FHL3: variants seen among roughly 807,000 people sequenced by gnomAD.
FHL3 encodes four and a half LIM domains 3.
In FHL3, 21 loss-of-function variants were observed where a neutral mutation model predicts 34.3. That is an observed-to-expected ratio of 0.61 (90% confidence interval 0.43 to 0.88). The LOEUF (loss-of-function observed/expected upper bound fraction) is 0.88. Among genes scored for constraint, FHL3 ranks in the 40% least tolerant of loss-of-function variants. The probability of loss-of-function intolerance (pLI) is 0.00; values close to 1 mark genes in which losing one functional copy is unlikely to be tolerated. For synonymous variants in FHL3, 137 were observed against 144.6 expected (o/e 0.95, Z 0.38); for missense variants, 333 against 373.7 (o/e 0.89, Z 0.90).
In FHL3 at chr1:37,997,863, G is replaced by T. The variant is rs1369871860; in HGVS notation, c.509C>A (p.Thr170Lys). ...PRCARCSKTL[T>K]QGGVTYRDQP... Reference sequence around the variant, plus strand: ...ATCACGGTATGTCACTCCACCCTGTGTCAGCGTCTGTGGGGGCAGCATCCA... The same window carrying T: ...ATCACGGTATGTCACTCCACCCTGTTTCAGCGTCTGTGGGGGCAGCATCCA... The change falls in exon 5 of 6, where the codon ACA (threonine) becomes AAA (lysine). Residue 170 changes from threonine (T) to lysine (K), a missense_variant. Coordinates refer to ENST00000373016, the MANE Select transcript of FHL3 (RefSeq NM_004468.5). The surrounding 1 kb of genome is among the most constrained non-coding windows in gnomAD (Gnocchi z 4.3). 6.2e-7 allele frequency: 1 copy of T among 1,613,742 alleles called. No homozygotes were observed. Among genetic ancestry groups the T allele is most frequent in the Non-Finnish European group, 8.5e-7 (1 of 1,179,698 alleles).
chr1:38,001,426 A>G (rs936303617), intron 1 of FHL3, among the ~76,000 whole-genome samples: 1 of 152,106 alleles, frequency 6.6e-6, no homozygotes, highest in African/African-American at 2.4e-5. Context: ...ACTTGGGTCC[A>G]CCCCCTGAGA....
At chr1:37,999,528 C>G (rs1646572153) in intron 1 of FHL3, 96 bp from the exon 2 acceptor site, 1 of 1,202,282 alleles carries the variant, frequency 8.3e-7, no homozygotes, top group Non-Finnish European at 1.2e-6. Context: ...AGCCAAGAGA[C>G]CCGGCATAGG....
intron 1 of FHL3, among the ~76,000 whole-genome samples, chr1:38,003,379 C>T (rs971002936): frequency 6.6e-6 from 1 of 152,174 alleles, no homozygotes; most frequent in Admixed American, 6.5e-5. Flanking sequence ...GCTGGGGTTA[C>T]AGGCGTGAGC....
intron 1 of FHL3, among the ~76,000 whole-genome samples, chr1:38,001,592 C>T (rs1310163765): frequency 6.6e-6 from 1 of 152,232 alleles, no homozygotes; most frequent in Non-Finnish European, 1.5e-5. Flanking sequence ...TCTGCCCATA[C>T]CCCTCTCCCT....
intron 1 of FHL3, 98 bp from the exon 2 acceptor site, chr1:37,999,530 C>G: frequency 4.2e-6 from 5 of 1,181,922 alleles, no homozygotes; most frequent in Non-Finnish European, 6.0e-6. Context: ...CCAAGAGACC[C>G]GGCATAGGAA....
At chr1:38,001,025 G>A (rs11211085) in intron 1 of FHL3, among the ~76,000 whole-genome samples, 39,567 of 152,148 alleles carry the variant, frequency 0.26, 5,320 homozygotes, top group Non-Finnish European at 0.29. Flanking sequence ...GACAACAAGC[G>A]CTGCTCTGGC....
Position 37,996,824 on chromosome 1 carries a change from C to T in FHL3, c.*581G>A, listed in dbSNP as rs1646537683. ...GAAGGGGGATGAGCCAATCTCACCC[C>T]TCTGCCCATCTATGGGCAAAATGGA... On this transcript the variant is annotated 3_prime_UTR_variant, in exon 6 of 6. Coordinates refer to ENST00000373016, the MANE Select transcript of FHL3 (RefSeq NM_004468.5). The T allele has an allele frequency of 6.5e-6, 1 of 153,762 alleles. No individual in the cohort carries two copies. Among genetic ancestry groups the T allele is most frequent in the Admixed American group, 6.5e-5 (1 of 15,314 alleles). 9.5% of individuals were successfully genotyped at this position (153,762 alleles called of 1,614,324 possible).
chr1:37,999,563 G>T, intron 1 of FHL3, 131 bp from the exon 2 acceptor site: 1 of 791,826 alleles, frequency 1.3e-6, no homozygotes, highest in Non-Finnish European at 2.0e-6. Context: ...AGTAGGTGGG[G>T]ATGGGGAAGG....
Position 37,997,665 on chromosome 1 carries a change from T to C in FHL3, c.688+19A>G. ...CTTGCCTGCACCCTACCCACTCCGT[T>C]CTTTGACCCTTGTCCCACCTACGAT... On this transcript the variant is annotated intron_variant, in intron 5 of 5. Coordinates refer to ENST00000373016, the MANE Select transcript of FHL3 (RefSeq NM_004468.5). This position sits in a 1 kb window ranked among gnomAD's most constrained non-coding sequence, Gnocchi z 4.3. The C allele has an allele frequency of 6.2e-7, 1 of 1,613,748 alleles. No homozygotes were observed. Among genetic ancestry groups the C allele is most frequent in the South Asian group, 1.1e-5 (1 of 91,064 alleles).
chr1:38,001,407 C>T (rs2148731428), intron 1 of FHL3, among the ~76,000 whole-genome samples: 1 of 152,360 alleles, frequency 6.6e-6, no homozygotes, highest in African/African-American at 2.4e-5. Flanking sequence ...CTTCTCAGGC[C>T]CAGGCTAGAC....
intron 1 of FHL3, among the ~76,000 whole-genome samples, chr1:38,001,028 GCT>G (rs1646588625): frequency 6.6e-6 from 1 of 152,174 alleles, no homozygotes; most frequent in Non-Finnish European, 1.5e-5. Flanking sequence ...AACAAGCGCT[GCT>G]CTGGCTTGAA....
chr1:38,001,343 G>A (rs1010311998), intron 1 of FHL3, among the ~76,000 whole-genome samples: 1 of 152,246 alleles, frequency 6.6e-6, no homozygotes, highest in Non-Finnish European at 1.5e-5. Flanking sequence ...TGCGTCCACA[G>A]GGGGTGCCTG....
Position 37,997,843 on chromosome 1 carries a change from G to A in FHL3, c.529C>T (p.Arg177Cys), listed in dbSNP as rs746206991. 54 of 1,613,884 alleles carry A rather than the reference G, an allele frequency of 3.3e-5. No individual in the cohort carries two copies. The highest frequency in any genetic ancestry group is 1.6e-4 in the Middle Eastern group (1 of 6,080). ...CATTCTCGATGCCACGGCTGATCACGGTATGTCACTCCACCCTGTGTCAGC... is the reference window on the plus strand; with the variant it reads ...CATTCTCGATGCCACGGCTGATCACAGTATGTCACTCCACCCTGTGTCAGC... ...KTLTQGGVTYRDQPWHRECLV... is the reference protein window; with the variant it reads ...KTLTQGGVTYCDQPWHRECLV... The change falls in exon 5 of 6, where the codon CGT (arginine) becomes TGT (cysteine). Residue 177 changes from arginine to cysteine, a missense_variant. Arg to Cys is a radical substitution (Grantham distance 180). Transcript: ENST00000373016. The surrounding 1 kb of genome is among the most constrained non-coding windows in gnomAD (Gnocchi z 4.3).
In FHL3 at chr1:37,997,684, C is replaced by G; in HGVS notation, c.688G>C (p.Gly230Arg). The G allele has an allele frequency of 6.2e-7, 1 of 1,614,026 alleles. No homozygotes were observed. The highest frequency in any genetic ancestry group is 2.2e-5 in the East Asian group (1 of 44,870). ...KCSSCKRPIV[G>R]LGGGKYVSFE... is the part of the protein sequence containing the mutation. ...CTCCGTTCTTTGACCCTTGTCCCACCTACGATGGGGCGCTTGCAGCTGCTG... is the reference window on the plus strand; with the variant it reads ...CTCCGTTCTTTGACCCTTGTCCCACGTACGATGGGGCGCTTGCAGCTGCTG... The change falls in exon 5 of 6, where the codon GGA becomes CGA. Residue 230 changes from glycine to arginine, a missense_variant and splice_region_variant. Coordinates refer to ENST00000373016, the MANE Select transcript of FHL3 (RefSeq NM_004468.5). The surrounding 1 kb of genome is among the most constrained non-coding windows in gnomAD (Gnocchi z 4.3).
rs1557762205 is a variant in FHL3 at position 37,999,002 on chromosome 1, G to C, written c.303C>G (p.Cys101Trp). Residue 101 changes from cysteine (C) to tryptophan (W), a missense_variant, in exon 3 of 6, where the codon TGC (cysteine) becomes TGG (tryptophan). Transcript: ENST00000373016. ...DCYCSAFSSQCSACGETVMPG... is the reference protein window; with the variant it reads ...DCYCSAFSSQWSACGETVMPG... ...GCATGACAGTCTCCCCACAAGCGGA[G>C]CACTGCGAGGAAAACGCACTGCAGT... is the stretch of plus-strand genomic sequence containing the variant. 1 of 1,614,220 alleles carries C rather than the reference G, an allele frequency of 6.2e-7. No individual in the cohort carries two copies. The highest frequency in any genetic ancestry group is 8.5e-7 in the Non-Finnish European group (1 of 1,180,012).
chr1:37,998,761 GC>G (rs1395790557), intron 3 of FHL3: 2 of 577,592 alleles, frequency 3.5e-6, no homozygotes, highest in African/African-American at 3.7e-5. Flanking sequence ...CACATGCTAA[GC>G]CCCCAAGTAT....
In FHL3 at chr1:37,997,047, A is replaced by T; in HGVS notation, c.*358T>A. ...CATAGGAGACCTGAAACCTATAAAG[A>T]GAAGTCTAGATTTAAGGGGGCCTAA... On this transcript the variant is annotated 3_prime_UTR_variant, in exon 6 of 6. Coordinates refer to ENST00000373016, the MANE Select transcript of FHL3 (RefSeq NM_004468.5). The surrounding 1 kb of genome is among the most constrained non-coding windows in gnomAD (Gnocchi z 4.3). The T allele has an allele frequency of 5.0e-6, 1 of 199,836 alleles. No homozygotes were observed. The highest frequency in any genetic ancestry group is 1.0e-5 in the Non-Finnish European group (1 of 97,378). The allele number at this position is 199,836 out of a possible 1,614,324, so 12.4% of individuals were successfully genotyped here. A position where few individuals can be genotyped will look rare whatever the true frequency, so the allele number is the denominator to read the frequency against.
chr1:38,003,687 C>G (rs1646617117), intron 1 of FHL3, among the ~76,000 whole-genome samples: 1 of 152,160 alleles, frequency 6.6e-6, no homozygotes, highest in Admixed American at 6.5e-5. Context: ...CAGCTGAGCA[C>G]AAGGAGGCCA....
intron 1 of FHL3, among the ~76,000 whole-genome samples, chr1:38,003,082 G>A (rs182332592): frequency 3.9e-5 from 6 of 152,072 alleles, no homozygotes; most frequent in Non-Finnish European, 8.8e-5. Context: ...TGCTTGAACC[G>A]AGGAGGTGAA....
Sources: allele counts gnomAD v4.1 joint callset (sites outside exome capture counted in the v4.1 genomes callset), GRCh38; gene constraint gnomAD v4.1.1; non-coding constraint Gnocchi (gnomAD v3.1); transcripts MANE v1.5; gene names NCBI Gene and HGNC (gene_info 2026-07-23, HGNC 2026-07-21).